The following ANKS1B variants were observed in gnomAD, a reference collection of about 807,000 sequenced individuals.
ANKS1B encodes the protein ankyrin repeat and sterile alpha motif domain-containing protein 1B.
In ANKS1B, 36 loss-of-function variants were observed where a neutral mutation model predicts 148.3. The observed-to-expected ratio is 0.24, with a 90% CI of 0.19 to 0.32. The LOEUF is 0.32. Among genes scored for constraint, ANKS1B ranks in the 10% least tolerant of loss-of-function variants. The probability of loss-of-function intolerance (pLI) is 1.00; values close to 1 mark genes in which losing one functional copy is unlikely to be tolerated. For synonymous variants in ANKS1B, 542 were observed against 560.8 expected, an observed-to-expected ratio of 0.97 and a Z score of 0.47; for missense variants, 1,157 against 1,542.6, an observed-to-expected ratio of 0.75 and a Z score of 4.19.
At chr12:99,982,536 CAT>C (rs2095717526) in intron 1 of ANKS1B, among the ~76,000 whole-genome samples, 1 of 152,102 alleles carries the variant, frequency 6.6e-6, no homozygotes, top group South Asian at 2.1e-4. Context: ...AGTTTTTAGA[CAT>C]AATCATTTTT....
At chr12:98,921,830 A>G (rs2152912573) in intron 17 of ANKS1B, among the ~76,000 whole-genome samples, 1 of 152,350 alleles carries the variant, frequency 6.6e-6, no homozygotes, top group African/African-American at 2.4e-5. Context: ...ATTTATTAAT[A>G]GCATAGAATT....
At chr12:99,431,186 C>T (rs1033902087) in intron 11 of ANKS1B, among the ~76,000 whole-genome samples, 5 of 152,182 alleles carry the variant, frequency 3.3e-5, no homozygotes, top group Admixed American at 6.5e-5. Context: ...TGATTTAAAA[C>T]TTGTTCTTCA....
At chr12:99,865,615 G>C (rs942735188) in intron 1 of ANKS1B, among the ~76,000 whole-genome samples, 12 of 152,118 alleles carry the variant, frequency 7.9e-5, no homozygotes, top group Non-Finnish European at 1.5e-5. Context: ...GTATTTTCAA[G>C]GGAAAGTAAG....
At chr12:99,607,965 CT>C (rs1400877032) in intron 9 of ANKS1B, among the ~76,000 whole-genome samples, 2 of 151,868 alleles carry the variant, frequency 1.3e-5, no homozygotes, top group Admixed American at 6.6e-5. Flanking sequence ...TCAAAGCCCC[CT>C]ATGAGTGGTA....
chr12:98,825,093 C>T (rs1231618919), intron 19 of ANKS1B, among the ~76,000 whole-genome samples: 1 of 152,132 alleles, frequency 6.6e-6, no homozygotes, highest in Non-Finnish European at 1.5e-5. Flanking sequence ...AGTCCCAGCT[C>T]TACCATTTAC....
chr12:99,690,154 C>G (rs2098671256), intron 8 of ANKS1B, among the ~76,000 whole-genome samples: 1 of 152,102 alleles, frequency 6.6e-6, no homozygotes, highest in Non-Finnish European at 1.5e-5. Flanking sequence ...AACTCACTCA[C>G]TATCATGAGA....
chr12:99,596,186 C>T (rs942640794), intron 9 of ANKS1B, among the ~76,000 whole-genome samples: 2 of 151,746 alleles, frequency 1.3e-5, no homozygotes, highest in Non-Finnish European at 2.9e-5. Context: ...AATTTCCTAT[C>T]TCAGTTTTGG....
At chr12:98,894,897 T>G (rs931858334) in intron 17 of ANKS1B, 13 of 907,794 alleles carry the variant, frequency 1.4e-5, no homozygotes, top group Non-Finnish European at 1.7e-5. Context: ...CGCCCCCCAC[T>G]GCCCCCGCCC....
At chr12:99,743,230 T>C (rs1226519335) in intron 8 of ANKS1B, among the ~76,000 whole-genome samples, 3 of 152,144 alleles carry the variant, frequency 2.0e-5, no homozygotes, top group East Asian at 1.9e-4. Context: ...GAAAGACTTT[T>C]GTCTCAAGCA....
At chr12:99,584,141 G>T (rs1163601085) in intron 9 of ANKS1B, among the ~76,000 whole-genome samples, 1 of 152,198 alleles carries the variant, frequency 6.6e-6, no homozygotes, top group Non-Finnish European at 1.5e-5. Context: ...ACAGAAAGGT[G>T]AATTAGGCAT....
chr12:98,928,829 G>A (rs985391227), intron 17 of ANKS1B, among the ~76,000 whole-genome samples: 2 of 151,804 alleles, frequency 1.3e-5, no homozygotes, highest in South Asian at 2.1e-4. Flanking sequence ...GAACCCATAC[G>A]GCTAAAATAA....
intron 17 of ANKS1B, among the ~76,000 whole-genome samples, chr12:98,934,628 CTTGTT>C (rs1400793166): frequency 1.3e-5 from 2 of 151,840 alleles, no homozygotes; most frequent in South Asian, 2.1e-4. Flanking sequence ...TTGTTTGTTT[CTTGTT>C]TTATTTCTTT....
At chr12:99,009,012 T>A (rs1267464907) in intron 17 of ANKS1B, among the ~76,000 whole-genome samples, 3 of 152,162 alleles carry the variant, frequency 2.0e-5, no homozygotes, top group African/African-American at 7.2e-5. Flanking sequence ...GGGCTAGGAA[T>A]ACCATTAGTT....
At chr12:99,821,137 T>C (rs1481902040) in intron 2 of ANKS1B, among the ~76,000 whole-genome samples, 2 of 152,026 alleles carry the variant, frequency 1.3e-5, no homozygotes, top group South Asian at 2.1e-4. Flanking sequence ...AATGTTATCA[T>C]TGTAAGAAAC....
intron 1 of ANKS1B, among the ~76,000 whole-genome samples, chr12:99,967,197 GTAA>G (rs968471302): frequency 2.0e-5 from 3 of 151,950 alleles, no homozygotes; most frequent in African/African-American, 7.3e-5. Context: ...TTAATGCTTA[GTAA>G]TAATAAGCAT....
At chr12:99,372,545 A>G (rs2093194077) in intron 12 of ANKS1B, among the ~76,000 whole-genome samples, 2 of 152,162 alleles carry the variant, frequency 1.3e-5, no homozygotes, top group Non-Finnish European at 2.9e-5. Context: ...TTTGTAAATG[A>G]TATTTTATGA....
chr12:99,200,495 T>G (rs1312832538), intron 14 of ANKS1B, among the ~76,000 whole-genome samples: 2 of 152,240 alleles, frequency 1.3e-5, no homozygotes, highest in Non-Finnish European at 2.9e-5. Context: ...TAGTTTCAAA[T>G]TATTATTTTT....
intron 14 of ANKS1B, among the ~76,000 whole-genome samples, chr12:99,197,905 C>A (rs1202561273): frequency 6.6e-6 from 1 of 152,086 alleles, no homozygotes; most frequent in East Asian, 1.9e-4. Context: ...TTTGTCACAG[C>A]AATAAGAAGA....
chr12:99,556,339 C>T (rs372179764), intron 9 of ANKS1B, among the ~76,000 whole-genome samples: 25 of 151,918 alleles, frequency 1.6e-4, no homozygotes, highest in African/African-American at 3.9e-4. Context: ...TTTAGTATTC[C>T]GGCTAGTGGG....
Sources: gnomAD v4.1 joint callset for allele counts (sites outside exome capture counted in the v4.1 genomes callset) on GRCh38, gnomAD v4.1.1 for gene constraint, MANE v1.5 for transcripts, NCBI Gene and HGNC (gene_info 2026-07-23, HGNC 2026-07-21) for gene names.